MPHOSPH9: variants seen among roughly 807,000 people sequenced by gnomAD.
MPHOSPH9 encodes M-phase phosphoprotein 9.
A neutral mutation model predicts 145.5 loss-of-function variants in MPHOSPH9; 88 were observed. The ratio of observed to expected loss-of-function variants is 0.60; its 90% CI spans 0.51 to 0.72. The LOEUF is 0.72. Ranked by LOEUF, MPHOSPH9 falls within the 30% of genes least tolerant of loss-of-function variation. The pLI is 0.00. For synonymous variants in MPHOSPH9, 435 were observed against 486.2 expected, an observed-to-expected ratio of 0.89 and a Z score of 1.39; for missense variants, 1,238 against 1,386.6, an observed-to-expected ratio of 0.89 and a Z score of 1.70.
At chr12:123,162,972 ACT>A in intron 20 of MPHOSPH9, 40 bp downstream of exon 20, 3 of 1,498,168 alleles carry the variant, frequency 2.0e-6, no homozygotes, top group Non-Finnish European at 2.7e-6. Context: ...GAAAAAAATC[ACT>A]AATATAGTAA....
intron 16 of MPHOSPH9, among the ~76,000 whole-genome samples, chr12:123,174,169 G>A (rs1050296299): frequency 2.0e-5 from 3 of 152,078 alleles, no homozygotes; most frequent in African/African-American, 7.2e-5. Flanking sequence ...GAGAGCACAG[G>A]GAAACACAAG....
At chr12:123,236,676 A>G (rs2138740668), upstream of MPHOSPH9, among the ~76,000 whole-genome samples, 1 of 152,212 alleles carries the variant, frequency 6.6e-6, no homozygotes, top group South Asian at 2.1e-4. Context: ...TAATAGAAAT[A>G]TAGGCTTTGA....
At chr12:123,176,334 T>C (rs1268148015) in intron 16 of MPHOSPH9, among the ~76,000 whole-genome samples, 1 of 152,196 alleles carries the variant, frequency 6.6e-6, no homozygotes, top group Non-Finnish European at 1.5e-5. Context: ...AGGAATAAAA[T>C]GTCTGAAATT....
upstream of MPHOSPH9, chr12:123,233,404 G>A (rs1458611691): frequency 1.3e-5 from 2 of 152,272 alleles, no homozygotes; most frequent in African/African-American, 4.8e-5. Flanking sequence ...TGAGCCTCTG[G>A]TAGATAAGAG....
chr12:123,180,368 C>T (rs894478513), intron 14 of MPHOSPH9, among the ~76,000 whole-genome samples: 2 of 152,190 alleles, frequency 1.3e-5, no homozygotes, highest in Admixed American at 1.3e-4. Context: ...GGCAGCCAAG[C>T]TATGCAGGCC....
intron 7 of MPHOSPH9, among the ~76,000 whole-genome samples, chr12:123,213,569 C>T (rs1424959309): frequency 1.3e-5 from 2 of 152,060 alleles, no homozygotes; most frequent in Non-Finnish European, 2.9e-5. Flanking sequence ...AAACTCATGG[C>T]CTCAAGCGAT....
At chr12:123,239,891 A>T (rs1226199711) in intron 1 of MPHOSPH9, among the ~76,000 whole-genome samples, 1 of 151,974 alleles carries the variant, frequency 6.6e-6, no homozygotes, top group Non-Finnish European at 1.5e-5. Context: ...CCCTCCCATC[A>T]CACTCCTTTA....
At chr12:123,181,718 G>A (rs892512199) in intron 13 of MPHOSPH9, among the ~76,000 whole-genome samples, 2 of 151,958 alleles carry the variant, frequency 1.3e-5, no homozygotes, top group Non-Finnish European at 2.9e-5. Context: ...GGGACAAAGA[G>A]AGACCCCGTC....
At chr12:123,232,323 G>T (rs554938148) in intron 1 of MPHOSPH9, among the ~76,000 whole-genome samples, 1 of 152,170 alleles carries the variant, frequency 6.6e-6, no homozygotes, top group African/African-American at 2.4e-5. Flanking sequence ...GTGCTGGGGG[G>T]AGGGCAGGGA....
At chr12:123,187,814 A>C (rs936511022) in intron 13 of MPHOSPH9, among the ~76,000 whole-genome samples, 5 of 152,206 alleles carry the variant, frequency 3.3e-5, no homozygotes, top group African/African-American at 9.6e-5. Context: ...ATTCCTACTC[A>C]TACCATATAT....
intron 12 of MPHOSPH9, among the ~76,000 whole-genome samples, chr12:123,196,225 C>T (rs577933066): frequency 6.6e-6 from 1 of 152,040 alleles, no homozygotes; most frequent in African/African-American, 2.4e-5. Flanking sequence ...TGGTGGGCAC[C>T]TGTAATCCCA....
chr12:123,162,136 G>C lies in MPHOSPH9; in HGVS notation c.3112C>G (p.Leu1038Val). The C allele has an allele frequency of 6.3e-7, 1 of 1,580,566 alleles. No homozygotes were observed. Among genetic ancestry groups the C allele is most frequent in the Non-Finnish European group, 8.6e-7 (1 of 1,160,758 alleles). Residue 1038 changes from leucine (L) to valine (V), a missense_variant, in exon 21 of 24, where the codon CTT becomes GTT. By Grantham distance (32) the Leu-to-Val change is conservative. Coordinates refer to ENST00000606320, the MANE Select transcript of MPHOSPH9 (RefSeq NM_022782.4). ...ATACCTTCCGAGTCATCTAGAGGAA[G>C]AAACTGGAGTTGCTTTCTTGGATTG... Reference protein sequence around the residue: ...RTNPRKQLQFLPLDDSEEKTY... With the variant: ...RTNPRKQLQFVPLDDSEEKTY...
In MPHOSPH9 at chr12:123,185,091, A is replaced by T. The variant is rs944756871; in HGVS notation, c.2242-3881T>A. ...AGCACTGAGATTATAGGCGTGAGCC[A>T]CCACACCCAGCCTAGTGCCTCTTAA... On this transcript the variant is annotated intron_variant, in intron 13 of 23. Transcript: ENST00000606320. Among the ~76,000 whole-genome samples, 5 of 152,304 alleles carry T rather than the reference A, an allele frequency of 3.3e-5. No homozygotes were observed. In the South Asian group the frequency reaches 1.0e-3, roughly 32 times the overall value.
At chr12:123,194,869 G>A in intron 12 of MPHOSPH9, among the ~76,000 whole-genome samples, 1 of 151,742 alleles carries the variant, frequency 6.6e-6, no homozygotes, top group East Asian at 1.9e-4. Flanking sequence ...TAATCCACAG[G>A]CCTCGGCCTC....
intron 1 of MPHOSPH9, among the ~76,000 whole-genome samples, chr12:123,231,362 A>G: frequency 6.6e-6 from 1 of 152,328 alleles, no homozygotes; most frequent in East Asian, 1.9e-4. Context: ...TACCAAGTAT[A>G]TATGTTTGTT....
intron 16 of MPHOSPH9, among the ~76,000 whole-genome samples, chr12:123,171,346 C>T (rs1448957657): frequency 2.6e-5 from 4 of 151,916 alleles, no homozygotes; most frequent in South Asian, 2.1e-4. Flanking sequence ...ACCAGCTACT[C>T]GGGAGGCTGA....
At chr12:123,200,690 GC>G (rs896216180) in intron 11 of MPHOSPH9, among the ~76,000 whole-genome samples, 1 of 142,128 alleles carries the variant, frequency 7.0e-6, no homozygotes, top group Non-Finnish European at 1.5e-5. Context: ...TCACTCTGTC[GC>G]CCAGGCTGGA....
rs140490406 is a variant in MPHOSPH9 at position 123,214,792 on chromosome 12, T to C, written c.1039A>G (p.Ser347Gly). 2.7e-4 allele frequency: 438 copies of C among 1,613,618 alleles called. No homozygotes were observed. Among genetic ancestry groups the C allele is most frequent in the Non-Finnish European group, 3.6e-4 (423 of 1,179,680 alleles). The change falls in exon 7 of 24, where the codon AGT (serine) becomes GGT (glycine). Residue 347 changes from serine (S) to glycine (G), a missense_variant. By Grantham distance (56) the Ser-to-Gly change is moderately conservative (BLOSUM62 0). Transcript: ENST00000606320. ...AATHPRAFYL[S>G]KPDETPNAWM... ...GCATTTGGAGTTTCATCTGGTTTAC[T>C]GAGGTAAAAAGCACGAGGATGTGTA...
At position 123,238,287 on chromosome 12, in the gene MPHOSPH9, G is replaced by C. The variant is rs548043591; in HGVS notation, c.-159+5566C>G. Among the ~76,000 whole-genome samples, 4 of 152,216 alleles carry C rather than the reference G, an allele frequency of 2.6e-5. No homozygotes were observed. In the South Asian group the frequency reaches 8.3e-4, roughly 32 times the overall value. On this transcript the variant is annotated intron_variant, in intron 1 of 2. Coordinates refer to the MPHOSPH9 transcript ENST00000545406. ...TAGCTTCTGGCACCACCTGCTGGCC[G>C]TTTTGTCTTTTCAAAGCAGCAACAT...
Sources: allele counts gnomAD v4.1 joint callset (sites outside exome capture counted in the v4.1 genomes callset), GRCh38; gene constraint gnomAD v4.1.1; transcripts MANE v1.5; gene names NCBI Gene and HGNC (gene_info 2026-07-23, HGNC 2026-07-21).